Variants in CEP112 observed in about 807,000 individuals in gnomAD.
The protein encoded by CEP112 is centrosomal protein 112, also known as centrosomal protein of 112 kDa.
A neutral mutation model predicts 153.0 loss-of-function variants in CEP112; 127 were observed. That is an observed-to-expected ratio of 0.83 (90% CI 0.72 to 0.96). CEP112 has a LOEUF of 0.96. CEP112 is among the 40% of genes least tolerant of loss of function. CEP112 has a pLI of 0.00. For missense variants in CEP112, 1,089 were observed against 1,101.2 expected (o/e 0.99, Z 0.16); for synonymous variants, 358 against 374.4 (o/e 0.96, Z 0.51).
At chr17:65,712,134 T>G (rs1296197244) in intron 23 of CEP112, among the ~76,000 whole-genome samples, 2 of 151,982 alleles carry the variant, frequency 1.3e-5, no homozygotes, top group Non-Finnish European at 2.9e-5. Flanking sequence ...CATCTGAGAG[T>G]CAGCATGTTG....
chr17:66,105,435 T>C (rs1183413221), intron 6 of CEP112, among the ~76,000 whole-genome samples: 1 of 152,090 alleles, frequency 6.6e-6, no homozygotes, highest in Non-Finnish European at 1.5e-5. Context: ...TCCTTACTTA[T>C]CAATAATAAC....
intron 11 of CEP112, among the ~76,000 whole-genome samples, chr17:66,054,300 G>GT (rs1006761435): frequency 3.9e-5 from 6 of 152,092 alleles, no homozygotes; most frequent in African/African-American, 1.4e-4. Context: ...TTGTACACCA[G>GT]TAATGTTAAA....
intron 16 of CEP112, among the ~76,000 whole-genome samples, chr17:66,010,622 A>G (rs2319111): frequency 0.41 from 62,463 of 151,954 alleles, 14,305 homozygotes; most frequent in East Asian, 0.87. Context: ...ATTATTTTGA[A>G]GTATGTTCCT....
At chr17:66,014,133 T>C (rs2064665687) in intron 16 of CEP112, among the ~76,000 whole-genome samples, 1 of 152,184 alleles carries the variant, frequency 6.6e-6, no homozygotes, top group Non-Finnish European at 1.5e-5. Flanking sequence ...CATGTGCCAA[T>C]ATGGCAATAG....
At chr17:66,129,971 G>A in intron 5 of CEP112, 148 bp from the exon 6 acceptor site, 2 of 519,044 alleles carry the variant, frequency 3.9e-6, no homozygotes, top group Non-Finnish European at 6.9e-6. Context: ...AGGAAGAAAG[G>A]AAGGGATGAA....
intron 19 of CEP112, among the ~76,000 whole-genome samples, chr17:65,916,980 C>T (rs1290610629): frequency 3.9e-5 from 6 of 152,166 alleles, no homozygotes; most frequent in African/African-American, 1.2e-4. Context: ...AATATCAGCA[C>T]CCTTTCTATG....
chr17:65,703,920 A>G (rs933276606), intron 23 of CEP112, among the ~76,000 whole-genome samples: 1 of 151,982 alleles, frequency 6.6e-6, no homozygotes, highest in Non-Finnish European at 1.5e-5. Context: ...ACAGGGTATT[A>G]CACAAAGTGA....
chr17:65,658,517 T>TAC (rs1416886136), intron 24 of CEP112, among the ~76,000 whole-genome samples: 1 of 152,192 alleles, frequency 6.6e-6, no homozygotes, highest in Non-Finnish European at 1.5e-5. Context: ...AGGCAATGGG[T>TAC]ACAGTACAGG....
chr17:65,738,763 C>T (rs1219045632), intron 23 of CEP112, among the ~76,000 whole-genome samples: 1 of 152,148 alleles, frequency 6.6e-6, no homozygotes, highest in African/African-American at 2.4e-5. Context: ...ATGTTGATTA[C>T]AGGTAGTAGG....
chr17:66,124,655 C>A (rs1227775837), intron 6 of CEP112, among the ~76,000 whole-genome samples: 2 of 152,084 alleles, frequency 1.3e-5, no homozygotes, highest in Non-Finnish European at 2.9e-5. Context: ...GCCATCCATG[C>A]CTGCTACACA....
intron 4 of CEP112, among the ~76,000 whole-genome samples, chr17:66,163,851 G>A (rs1009725488): frequency 6.6e-6 from 1 of 152,092 alleles, no homozygotes; most frequent in Non-Finnish European, 1.5e-5. Flanking sequence ...AACCCAAACT[G>A]TTCAATATTA....
chr17:65,724,182 C>T (rs2050048692), intron 23 of CEP112, among the ~76,000 whole-genome samples: 1 of 152,196 alleles, frequency 6.6e-6, no homozygotes, highest in Non-Finnish European at 1.5e-5. Flanking sequence ...GCTACTACTG[C>T]TGCTATTATA....
At chr17:66,019,520 T>C (rs974317510) in intron 16 of CEP112, among the ~76,000 whole-genome samples, 1 of 152,218 alleles carries the variant, frequency 6.6e-6, no homozygotes, top group Non-Finnish European at 1.5e-5. Flanking sequence ...GGGGAGATTA[T>C]GAAATTAATT....
At chr17:66,170,085 C>T (rs772850654) in intron 4 of CEP112, among the ~76,000 whole-genome samples, 3 of 152,116 alleles carry the variant, frequency 2.0e-5, no homozygotes, top group African/African-American at 4.8e-5. Flanking sequence ...AACCAGCAAA[C>T]GGAATGACAG....
At chr17:65,858,117 A>G (rs1302591255) in intron 20 of CEP112, among the ~76,000 whole-genome samples, 1 of 152,178 alleles carries the variant, frequency 6.6e-6, no homozygotes, top group Non-Finnish European at 1.5e-5. Flanking sequence ...TTTGCTAATA[A>G]TTCCAGATTT....
At chr17:66,038,540 T>A (rs867365205) in intron 12 of CEP112, among the ~76,000 whole-genome samples, 7 of 152,262 alleles carry the variant, frequency 4.6e-5, no homozygotes, top group African/African-American at 1.4e-4. Context: ...GGATGCAAAA[T>A]AGTGGAGTTC....
At chr17:65,794,846 A>T (rs1403824797) in intron 21 of CEP112, among the ~76,000 whole-genome samples, 1 of 152,188 alleles carries the variant, frequency 6.6e-6, no homozygotes, top group Admixed American at 6.5e-5. Flanking sequence ...TCCCAAGACA[A>T]CTGCAATAGT....
intron 6 of CEP112, among the ~76,000 whole-genome samples, chr17:66,124,169 T>C (rs1450851128): frequency 6.6e-6 from 1 of 152,206 alleles, no homozygotes; most frequent in Admixed American, 6.5e-5. Context: ...TTGGGGGCTA[T>C]GTTCCACACA....
intron 16 of CEP112, among the ~76,000 whole-genome samples, chr17:66,013,404 G>C (rs911490815): frequency 6.6e-6 from 1 of 152,014 alleles, no homozygotes; most frequent in African/African-American, 2.4e-5. Flanking sequence ...GTTTTGTTTT[G>C]TTTTTTGCTT....
Sources: allele counts gnomAD v4.1 joint callset (sites outside exome capture counted in the v4.1 genomes callset), GRCh38; gene constraint gnomAD v4.1.1; transcripts MANE v1.5; gene names NCBI Gene and HGNC (gene_info 2026-07-23, HGNC 2026-07-21).